The following ZNF445 variants were observed in gnomAD, a reference collection of about 807,000 sequenced individuals.
ZNF445 encodes the protein zinc finger protein 168.
ZNF445 carries 19 observed loss-of-function variants against 93.9 expected under a neutral mutation model. That is an observed-to-expected ratio of 0.20 (90% CI 0.14 to 0.30). The LOEUF (loss-of-function observed/expected upper bound fraction) is 0.30. Among genes scored for constraint, ZNF445 ranks in the 10% least tolerant of loss-of-function variants. ZNF445 has a pLI of 1.00. For missense variants in ZNF445, 1,058 were observed against 1,259.4 expected (o/e 0.84, Z 2.42); for synonymous variants, 449 against 446.3 (o/e 1.01, Z -0.08).
rs1697790463 is a variant in ZNF445, at chr3:44,440,523, T to A, written c.*6052A>T. On this transcript the variant is annotated 3_prime_UTR_variant, in exon 8 of 8. Transcript: ENST00000396077. ...AGAACATCCTCATTTTTAAAAAAAC[T>A]GTGGCCTGGTATTTCATCATAGATG... 1 of 152,202 alleles carries A rather than the reference T, an allele frequency of 6.6e-6. No homozygotes were observed. Among genetic ancestry groups the A allele is most frequent in the African/African-American group, 2.4e-5 (1 of 41,458 alleles). The allele number at this position is 152,202 out of a possible 1,614,324, so 9.4% of individuals were successfully genotyped here.
chr3:44,434,510 A>T lies in ZNF445; in HGVS notation c.*12065T>A, dbSNP rs1219407910. The T allele has an allele frequency of 6.6e-6, 1 of 152,160 alleles. No homozygotes were observed. The highest frequency in any genetic ancestry group is 1.5e-5 in the Non-Finnish European group (1 of 68,042). The allele number at this position is 152,160 out of a possible 1,614,324, so 9.4% of individuals were successfully genotyped here. A position where few individuals can be genotyped will look rare whatever the true frequency, so the allele number is the denominator to read the frequency against. ...ACTGAGTCATATTATGTGTCTTCCA[A>T]CATGTCTGGAGCAGTTGCTACTCCC... On this transcript the variant is annotated 3_prime_UTR_variant, in exon 8 of 8. Coordinates refer to ENST00000396077, the MANE Select transcript of ZNF445 (RefSeq NM_181489.6).
At position 44,455,744 on chromosome 3, in the gene ZNF445, T is replaced by C. The variant is rs575779282; in HGVS notation, c.-147-48A>G. ...ATAATGTCCATTATACATGGTGCAG[T>C]TGGATTCTGCTGGTTGGGATCATCT... On this transcript the variant is annotated intron_variant, in intron 2 of 7. Coordinates refer to ENST00000396077, the MANE Select transcript of ZNF445 (RefSeq NM_181489.6). 3.7e-5 allele frequency: 21 copies of C among 570,118 alleles called. No individual in the cohort carries two copies. In the South Asian group the frequency reaches 4.9e-4, roughly 13 times the overall value. The allele number at this position is 570,118 out of a possible 1,614,324, so 35.3% of individuals were successfully genotyped here. A position where few individuals can be genotyped will look rare whatever the true frequency, so the allele number is the denominator to read the frequency against.
In ZNF445 at chr3:44,455,702, C is replaced by T. The variant is rs1038793250; in HGVS notation, c.-147-6G>A. 52 of 680,886 alleles carry T rather than the reference C, an allele frequency of 7.6e-5. No homozygotes were observed. The highest frequency in any genetic ancestry group is 9.3e-5 in the Non-Finnish European group (39 of 417,162). The allele number at this position is 680,886 out of a possible 1,614,324, so 42.2% of individuals were successfully genotyped here. A position where few individuals can be genotyped will look rare whatever the true frequency, so the allele number is the denominator to read the frequency against. On this transcript the variant is annotated splice_polypyrimidine_tract_variant and splice_region_variant and intron_variant, in intron 2 of 7. Coordinates refer to ENST00000396077, the MANE Select transcript of ZNF445 (RefSeq NM_181489.6). ...GACTGAAATTACCAGCATTTCTGTG[C>T]AGGAGGGGATGAGAGAATAATGTCC... is the stretch of plus-strand genomic sequence containing the variant.
chr3:44,456,479 A>G (rs2125681173), intron 2 of ZNF445, among the ~76,000 whole-genome samples: 1 of 152,296 alleles, frequency 6.6e-6, no homozygotes, highest in East Asian at 1.9e-4. Context: ...AGGAAGAATA[A>G]ATTGGGAGGG....
chr3:44,470,752 A>G (rs1174407223), intron 1 of ZNF445, among the ~76,000 whole-genome samples: 1 of 152,228 alleles, frequency 6.6e-6, no homozygotes, highest in Non-Finnish European at 1.5e-5. Flanking sequence ...TATAAACAGC[A>G]AAGTGATCAA....
chr3:44,456,120 C>T (rs1382620103), intron 2 of ZNF445, among the ~76,000 whole-genome samples: 1 of 152,062 alleles, frequency 6.6e-6, no homozygotes, highest in African/African-American at 2.4e-5. Context: ...ATTAGAATAG[C>T]TAAAATTATG....
chr3:44,472,958 C>T (rs1367780533), intron 1 of ZNF445, among the ~76,000 whole-genome samples: 1 of 152,174 alleles, frequency 6.6e-6, no homozygotes, highest in East Asian at 1.9e-4. Context: ...AACAGGGAAA[C>T]TTCCAACCAA....
chr3:44,455,039 T>A, intron 3 of ZNF445, 82 bp downstream of exon 3: 1 of 1,561,748 alleles, frequency 6.4e-7, no homozygotes, highest in Non-Finnish European at 8.8e-7. Context: ...ATTGACAGTT[T>A]AGAGGGCCAC....
rs1697842546 is a variant in ZNF445, at chr3:44,443,802, TA to T, written c.*2772del. 1 of 151,706 alleles carries T rather than the reference TA, an allele frequency of 6.6e-6. No homozygotes were observed. Among genetic ancestry groups the T allele is most frequent in the Non-Finnish European group, 1.5e-5 (1 of 67,972 alleles). The allele number at this position is 151,706 out of a possible 1,614,324, so 9.4% of individuals were successfully genotyped here. A position where few individuals can be genotyped will look rare whatever the true frequency, so the allele number is the denominator to read the frequency against. On this transcript the variant is annotated 3_prime_UTR_variant, in exon 8 of 8. Transcript: ENST00000396077. ...TTTTCACTTCATTCTTTGCACATTT[TA>T]AAATTTGATTAGAATGTTTAGAAAT... is the stretch of plus-strand genomic sequence containing the variant.
rs1697834009 is a variant in ZNF445 at position 44,443,247 on chromosome 3, T to G, written c.*3328A>C. On this transcript the variant is annotated 3_prime_UTR_variant, in exon 8 of 8. Transcript: ENST00000396077. ...TCCAACATTGATTCTGCCAAAATCT[T>G]TAGTAGTTAGCACCAAGTAGTCAGG... The G allele has an allele frequency of 6.6e-6, 1 of 152,218 alleles. No homozygotes were observed. The highest frequency in any genetic ancestry group is 1.5e-5 in the Non-Finnish European group (1 of 68,054). 9.4% of individuals were successfully genotyped at this position (152,218 alleles called of 1,614,324 possible).
chr3:44,437,954 C>T lies in ZNF445; in HGVS notation c.*8621G>A, dbSNP rs1358710886. 6.5e-6 allele frequency: 1 copy of T among 152,918 alleles called. No individual in the cohort carries two copies. Among genetic ancestry groups the T allele is most frequent in the Non-Finnish European group, 1.5e-5 (1 of 68,026 alleles). 9.5% of individuals were successfully genotyped at this position (152,918 alleles called of 1,614,324 possible). On this transcript the variant is annotated 3_prime_UTR_variant, in exon 8 of 8. Coordinates refer to ENST00000396077, the MANE Select transcript of ZNF445 (RefSeq NM_181489.6). ...AGAATGCAGGCCAGTAAGTCTCAGC[C>T]TCATTTTCCCAGCCCTCACTCAAAA... is the stretch of plus-strand genomic sequence containing the variant.
At chr3:44,457,322 A>T (rs1361706901) in intron 2 of ZNF445, among the ~76,000 whole-genome samples, 2 of 151,484 alleles carry the variant, frequency 1.3e-5, no homozygotes, top group African/African-American at 4.9e-5. Flanking sequence ...CCCAGGCTGG[A>T]GTGCAGTGGT....
Position 44,432,749 on chromosome 3 carries a change from C to T in ZNF445, c.*13826G>A, listed in dbSNP as rs561755550. ...AGCCAAGTTGACACCTAAAATTTAC[C>T]CTCACACTCCAGTCCTCCAACATCC... On this transcript the variant is annotated 3_prime_UTR_variant, in exon 8 of 8. Transcript: ENST00000396077. The T allele has an allele frequency of 5.9e-5, 9 of 152,310 alleles. No individual in the cohort carries two copies. Among genetic ancestry groups the T allele is most frequent in the African/African-American group, 2.2e-4 (9 of 41,536 alleles). The allele number at this position is 152,310 out of a possible 1,614,324, so 9.4% of individuals were successfully genotyped here. A position where few individuals can be genotyped will look rare whatever the true frequency, so the allele number is the denominator to read the frequency against.
Position 44,445,777 on chromosome 3 carries a change from G to A in ZNF445, c.*798C>T, listed in dbSNP as rs1697870678. ...TACACACATCACCATCCAGAATACT[G>A]CGTATCCCATTTGTTTGTCATCTGT... On this transcript the variant is annotated 3_prime_UTR_variant, in exon 8 of 8. Transcript: ENST00000396077. 1 of 152,310 alleles carries A rather than the reference G, an allele frequency of 6.6e-6. No individual in the cohort carries two copies. The highest frequency in any genetic ancestry group is 1.5e-5 in the Non-Finnish European group (1 of 68,154). The allele number at this position is 152,310 out of a possible 1,614,324, so 9.4% of individuals were successfully genotyped here. A position where few individuals can be genotyped will look rare whatever the true frequency, so the allele number is the denominator to read the frequency against.
In ZNF445 at chr3:44,445,078, A is replaced by C. The variant is rs1390074786; in HGVS notation, c.*1497T>G. On this transcript the variant is annotated 3_prime_UTR_variant, in exon 8 of 8. Transcript: ENST00000396077. ...ACAGGCTGCCTTTTCTCCTGAGAGC[A>C]GCAGGCACATGCACTTGTTCCTTCG... 6.6e-6 allele frequency: 1 copy of C among 152,232 alleles called. No homozygotes were observed. The allele number at this position is 152,232 out of a possible 1,614,324, so 9.4% of individuals were successfully genotyped here.
chr3:44,451,954 C>T (rs1456182058), intron 3 of ZNF445, among the ~76,000 whole-genome samples: 2 of 152,168 alleles, frequency 1.3e-5, no homozygotes, highest in African/African-American at 4.8e-5. Flanking sequence ...AAAGTGAACT[C>T]AAAGAGGCAG....
intron 1 of ZNF445, among the ~76,000 whole-genome samples, chr3:44,461,788 C>A (rs1698117615): frequency 6.6e-6 from 1 of 152,200 alleles, no homozygotes; most frequent in Non-Finnish European, 1.5e-5. Flanking sequence ...CCCCATGCAG[C>A]CTGTTGGGCA....
Position 44,448,343 on chromosome 3 carries a change from C to A in ZNF445, c.1328G>T (p.Gly443Val). ...YGKGLRHMIG[G>V]FSLHQRIHSG... is the part of the protein sequence containing the mutation. ...ATGAATTCTCTGATGTAGGCTGAAGCCCCCAATCATGTGTCTGAGCCCCTT... is the reference window on the plus strand; with the variant it reads ...ATGAATTCTCTGATGTAGGCTGAAGACCCCAATCATGTGTCTGAGCCCCTT... Residue 443 changes from glycine (G) to valine (V), a missense_variant, in exon 8 of 8, where the codon GGC becomes GTC. By Grantham distance (109) the Gly-to-Val change is moderately radical. Coordinates refer to ENST00000396077, the MANE Select transcript of ZNF445 (RefSeq NM_181489.6). 3.7e-6 allele frequency: 6 copies of A among 1,614,222 alleles called. No individual in the cohort carries two copies. Among genetic ancestry groups the A allele is most frequent in the Non-Finnish European group, 5.1e-6 (6 of 1,180,028 alleles).
Position 44,441,075 on chromosome 3 carries a change from A to G in ZNF445, c.*5500T>C, listed in dbSNP as rs1379236318. 1.3e-5 allele frequency: 2 copies of G among 151,988 alleles called. No homozygotes were observed. Among genetic ancestry groups the G allele is most frequent in the African/African-American group, 2.4e-5 (1 of 41,374 alleles). The allele number at this position is 151,988 out of a possible 1,614,324, so 9.4% of individuals were successfully genotyped here. A position where few individuals can be genotyped will look rare whatever the true frequency, so the allele number is the denominator to read the frequency against. On this transcript the variant is annotated 3_prime_UTR_variant, in exon 8 of 8. Transcript: ENST00000396077. ...ATTACAGGCACGTGCCACCATGCCC[A>G]GCTAATTTTTGTATTTTTTAGTAGA...
Sources: allele counts gnomAD v4.1 joint callset (sites outside exome capture counted in the v4.1 genomes callset), GRCh38; gene constraint gnomAD v4.1.1; transcripts MANE v1.5; gene names NCBI Gene and HGNC (gene_info 2026-07-23, HGNC 2026-07-21).